WWP2: variants seen among roughly 807,000 people sequenced by gnomAD.
WWP2 encodes the protein NEDD4-like E3 ubiquitin-protein ligase WWP2.
A neutral mutation model predicts 121.0 loss-of-function variants in WWP2; 57 were observed. The ratio of observed to expected loss-of-function variants is 0.47; its 90% CI spans 0.38 to 0.59. WWP2 has a LOEUF of 0.59. Among genes scored for constraint, WWP2 ranks in the 20% least tolerant of loss-of-function variants. The pLI, the probability that WWP2 is intolerant of heterozygous loss-of-function variation, is 0.00. For missense variants in WWP2, 962 were observed against 1,158.9 expected, an observed-to-expected ratio of 0.83 and a Z score of 2.47; for synonymous variants, 449 against 441.3, an observed-to-expected ratio of 1.02 and a Z score of -0.22.
At chr16:69,803,387 A>C (rs905437661) in intron 4 of WWP2, among the ~76,000 whole-genome samples, 2 of 151,844 alleles carry the variant, frequency 1.3e-5, no homozygotes, top group Non-Finnish European at 2.9e-5. Context: ...ATTATCTTAC[A>C]CAATTACTGT....
chr16:69,863,540 G>A (rs953490042), intron 6 of WWP2, among the ~76,000 whole-genome samples: 1 of 152,188 alleles, frequency 6.6e-6, no homozygotes, highest in Non-Finnish European at 1.5e-5. Flanking sequence ...AAGGGAGGCC[G>A]AGGCAGGAGA....
chr16:69,835,015 C>T (rs986378658), intron 4 of WWP2, among the ~76,000 whole-genome samples: 11 of 152,132 alleles, frequency 7.2e-5, no homozygotes, highest in African/African-American at 2.4e-4. Flanking sequence ...GTGAACAGCA[C>T]GGATGCAGAT....
At chr16:69,856,274 A>G (rs2057310461) in intron 6 of WWP2, among the ~76,000 whole-genome samples, 1 of 152,130 alleles carries the variant, frequency 6.6e-6, no homozygotes, top group Non-Finnish European at 1.5e-5. Context: ...AGGGACAGAA[A>G]TCCAATCTGA....
At position 69,930,255 on chromosome 16, in the gene WWP2, C is replaced by T. The variant is rs761794916; in HGVS notation, c.1442C>T (p.Ser481Leu). Residue 481 changes from serine (S) to leucine (L), a missense_variant, in exon 13 of 24, where the codon TCG (serine) becomes TTG (leucine). By Grantham distance (145) the Ser-to-Leu change is moderately radical. Transcript: ENST00000359154. ...AAGGATCCTCGCCCGGGGTTTGAGT[C>T]GGGGTAAGGACTTTGTGCAGGTAGC... Reference protein sequence around the residue: ...TFKDPRPGFESGTKQGSPGAY... With the variant: ...TFKDPRPGFELGTKQGSPGAY... 8.7e-6 allele frequency: 14 copies of T among 1,613,484 alleles called. No homozygotes were observed. Among genetic ancestry groups the T allele is most frequent in the African/African-American group, 1.3e-5 (1 of 74,900 alleles).
chr16:69,904,432 G>C (rs1365994127), intron 8 of WWP2, among the ~76,000 whole-genome samples: 1 of 150,370 alleles, frequency 6.7e-6, no homozygotes, highest in Non-Finnish European at 1.5e-5. Flanking sequence ...GCAGAGGTGT[G>C]ATCACGGCTC....
chr16:69,935,821 C>G lies in WWP2; in HGVS notation c.1843-32C>G, dbSNP rs769449864. The G allele has an allele frequency of 6.3e-6, 10 of 1,594,016 alleles. No individual in the cohort carries two copies. In the South Asian group the frequency reaches 1.1e-4, roughly 18 times the overall value. On this transcript the variant is annotated intron_variant, in intron 17 of 23. Transcript: ENST00000359154. The surrounding 1 kb of genome is among the most constrained non-coding windows in gnomAD (Gnocchi z 5.2). The stretch of plus-strand genomic sequence containing the variant: ...GGTCTTGGCAGTGCCCAGGGAAGGC[C>G]AAACCTCTGTGCTGTGCCTCTTCCT...
At chr16:69,921,703 C>G (rs937663216) in intron 10 of WWP2, among the ~76,000 whole-genome samples, 2 of 152,220 alleles carry the variant, frequency 1.3e-5, no homozygotes, top group African/African-American at 4.8e-5. Context: ...CCTGGCACAG[C>G]CTTGCACATT....
chr16:69,808,653 C>T (rs1355996881), intron 4 of WWP2, among the ~76,000 whole-genome samples: 7 of 152,210 alleles, frequency 4.6e-5, no homozygotes, highest in East Asian at 3.8e-4. Flanking sequence ...CTGCCTGCCT[C>T]GGCCTCCCAA....
At chr16:69,818,063 T>C (rs1350843711) in intron 4 of WWP2, among the ~76,000 whole-genome samples, 2 of 152,136 alleles carry the variant, frequency 1.3e-5, no homozygotes, top group East Asian at 3.8e-4. Context: ...GGGTGCCACA[T>C]ACCTGTTTCC....
rs551545581 is a variant in WWP2, at chr16:69,845,614, G to A, written c.575+3494G>A. ...TTCCTCTCCTTCTTTCCTCTGCTTG[G>A]TAAAGCTGTAGAACTGGAACTGTGA... On this transcript the variant is annotated intron_variant, in intron 6 of 23. Coordinates refer to ENST00000359154, the MANE Select transcript of WWP2 (RefSeq NM_001270454.2). Among the ~76,000 whole-genome samples, 274 of 152,108 alleles carry A rather than the reference G, an allele frequency of 1.8e-3. 7 individuals are homozygous for A. Among genetic ancestry groups the A allele is most frequent in the African/African-American group, 6.1e-3 (253 of 41,482 alleles).
rs572099220 is a variant in WWP2, at chr16:69,930,810, C to T, written c.1446-342C>T. Reference sequence around the variant, plus strand: ...TCGCTTAAGACCAGGAATTCGAGGCCGCAGTGAGCCATGATCACACCACTG... The same window carrying T: ...TCGCTTAAGACCAGGAATTCGAGGCTGCAGTGAGCCATGATCACACCACTG... On this transcript the variant is annotated intron_variant, in intron 13 of 23. Transcript: ENST00000359154. Among the ~76,000 whole-genome samples, 7 of 152,184 alleles carry T rather than the reference C, an allele frequency of 4.6e-5. No individual in the cohort carries two copies. In the East Asian group the frequency reaches 7.7e-4, roughly 17 times the overall value.
chr16:69,841,394 A>G (rs1490127039), intron 5 of WWP2, among the ~76,000 whole-genome samples: 1 of 152,084 alleles, frequency 6.6e-6, no homozygotes, highest in East Asian at 1.9e-4. Context: ...TAGACAGGCC[A>G]AGGTGGGAGT....
At chr16:69,838,046 A>G (rs1445456848) in intron 4 of WWP2, among the ~76,000 whole-genome samples, 1 of 152,124 alleles carries the variant, frequency 6.6e-6, no homozygotes, top group Non-Finnish European at 1.5e-5. Context: ...AACATAGTGA[A>G]CCATGTCTCT....
intron 6 of WWP2, among the ~76,000 whole-genome samples, chr16:69,846,491 C>A (rs532645053): frequency 1.3e-5 from 2 of 152,016 alleles, no homozygotes; most frequent in African/African-American, 4.8e-5. Flanking sequence ...GAGGTCGAGG[C>A]GGATGGATCA....
chr16:69,793,388 A>G (rs2055954686), intron 2 of WWP2, among the ~76,000 whole-genome samples: 1 of 152,172 alleles, frequency 6.6e-6, no homozygotes, highest in South Asian at 2.1e-4. Context: ...ATTCACTGGG[A>G]CTGTAGCATT....
intron 1 of WWP2, among the ~76,000 whole-genome samples, chr16:69,763,823 C>G (rs1004046952): frequency 6.6e-6 from 1 of 152,178 alleles, no homozygotes; most frequent in Non-Finnish European, 1.5e-5. Context: ...AAATGCATTT[C>G]TAAAAGTCAC....
At chr16:69,846,732 A>G (rs984447940) in intron 6 of WWP2, among the ~76,000 whole-genome samples, 2 of 151,936 alleles carry the variant, frequency 1.3e-5, no homozygotes, top group African/African-American at 2.4e-5. Context: ...GAAAAAAAAA[A>G]AAAGAAAAAA....
At chr16:69,765,748 C>G (rs1424945220) in intron 1 of WWP2, among the ~76,000 whole-genome samples, 1 of 152,070 alleles carries the variant, frequency 6.6e-6, no homozygotes, top group Non-Finnish European at 1.5e-5. Flanking sequence ...TGCTTGAGCT[C>G]GGGAGATGGA....
intron 6 of WWP2, among the ~76,000 whole-genome samples, chr16:69,843,728 G>A (rs2057020099): frequency 6.6e-6 from 1 of 152,020 alleles, no homozygotes; most frequent in South Asian, 2.1e-4. Flanking sequence ...AATGAGCTGG[G>A]CATGGTAGTG....
Sources: gnomAD v4.1 joint callset for allele counts (sites outside exome capture counted in the v4.1 genomes callset) on GRCh38, gnomAD v4.1.1 for gene constraint, Gnocchi (gnomAD v3.1) non-coding constraint, MANE v1.5 for transcripts, NCBI Gene and HGNC (gene_info 2026-07-23, HGNC 2026-07-21) for gene names.